BCL2L11: variants seen among roughly 807,000 people sequenced by gnomAD.
The protein encoded by BCL2L11 is bcl-2-like protein 11.
A neutral mutation model predicts 20.6 loss-of-function variants in BCL2L11; 15 were observed. That is an observed-to-expected ratio of 0.73 (90% CI 0.49 to 1.12). BCL2L11 has a LOEUF of 1.12. Among genes scored for constraint, BCL2L11 ranks in the 50% most tolerant of loss-of-function variants. The pLI, the probability that BCL2L11 is intolerant of heterozygous loss-of-function variation, is 0.00. For missense variants in BCL2L11, 292 were observed against 260.9 expected (o/e 1.12, Z -0.82); for synonymous variants, 108 against 92.8 (o/e 1.16, Z -0.94).
chr2:111,121,903 C>T (rs1221002036), intron 1 of BCL2L11, among the ~76,000 whole-genome samples: 1 of 152,188 alleles, frequency 6.6e-6, no homozygotes, highest in African/African-American at 2.4e-5. Context: ...AGAACCTGCT[C>T]GGTCCCTGGG....
chr2:111,157,320 G>A lies in BCL2L11; in HGVS notation c.499-6813G>A, dbSNP rs117115202. On this transcript the variant is annotated intron_variant, in intron 3 of 3. Transcript: ENST00000393256. ...ACTAAGGCTTGGCCCTGCTGCAGAC[G>A]TTCAAAAATAATAAGCTTCTCATAT... Among the ~76,000 whole-genome samples the A allele has an allele frequency of 4.3e-4, 66 of 152,288 alleles. No homozygotes were observed. In the East Asian group the frequency reaches 0.011, roughly 26 times the overall value.
At chr2:111,147,346 T>TCTCTCTCTCTCTCTCTCTCTCACACA (rs760779894) in intron 2 of BCL2L11, among the ~76,000 whole-genome samples, 1 of 137,332 alleles carries the variant, frequency 7.3e-6, no homozygotes, top group Admixed American at 7.2e-5. Flanking sequence ...TCTCTCTCTC[T>TCTCTCTCTCTCTCTCTCTCTCACACA]CACACACACA....
In BCL2L11 at chr2:111,166,599, C is replaced by T. The variant is rs1029922990; in HGVS notation, c.*2368C>T. The T allele has an allele frequency of 6.6e-6, 1 of 152,618 alleles. No individual in the cohort carries two copies. Among genetic ancestry groups the T allele is most frequent in the African/African-American group, 2.4e-5 (1 of 41,420 alleles). 9.5% of individuals were successfully genotyped at this position (152,618 alleles called of 1,614,324 possible). ...TTTGTAGAAAAAATAATTAAATCCC[C>T]TTTTTGGAAACTTACTGCAGGTTTT... On this transcript the variant is annotated 3_prime_UTR_variant, in exon 4 of 4. Transcript: ENST00000393256.
chr2:111,159,416 G>A (rs564713726), intron 3 of BCL2L11, among the ~76,000 whole-genome samples: 1 of 152,302 alleles, frequency 6.6e-6, no homozygotes, highest in Non-Finnish European at 1.5e-5. Flanking sequence ...GGTGGCCATG[G>A]CAATTCTTCC....
chr2:111,153,371 C>T (rs769406030), intron 3 of BCL2L11, among the ~76,000 whole-genome samples: 3 of 151,828 alleles, frequency 2.0e-5, no homozygotes, highest in Non-Finnish European at 4.4e-5. Context: ...AGCGAAACTC[C>T]ATCTAAAAAA....
intron 3 of BCL2L11, among the ~76,000 whole-genome samples, chr2:111,163,635 G>T (rs1188217968): frequency 6.6e-6 from 1 of 152,044 alleles, no homozygotes; most frequent in Admixed American, 6.5e-5. Flanking sequence ...TCTGGGTCAC[G>T]GTGTTTATCA....
At chr2:111,131,478 TTG>T (rs2073940803) in intron 2 of BCL2L11, 1 of 152,126 alleles carries the variant, frequency 6.6e-6, no homozygotes, top group African/African-American at 2.4e-5. Context: ...TACTGGTAAT[TTG>T]TGTCTTTTTT....
At chr2:111,137,730 G>A (rs2075154090) in intron 2 of BCL2L11, among the ~76,000 whole-genome samples, 2 of 150,814 alleles carry the variant, frequency 1.3e-5, no homozygotes, top group African/African-American at 4.9e-5. Context: ...ACTGTCCTTG[G>A]TCCTCTAATG....
chr2:111,123,169 C>A, intron 1 of BCL2L11: 1 of 985,462 alleles, frequency 1.0e-6, no homozygotes, highest in Non-Finnish European at 1.2e-6. Flanking sequence ...GCGGAGAGAG[C>A]GCCAGAGCCG....
rs902143281 is a variant in BCL2L11, at chr2:111,137,397, T to C, written c.395-12647T>C. 3.3e-5 allele frequency among the ~76,000 whole-genome samples: 5 copies of C among 152,218 alleles called. No individual in the cohort carries two copies. The South Asian group carries it at 1.0e-3, about 31-fold the overall frequency. ...TTAGACCAGCCTCAGTCTCTTGGTG[T>C]ATTCCTCATGTGGTGACATTTCTAG... On this transcript the variant is annotated intron_variant, in intron 2 of 3. Coordinates refer to ENST00000393256, the MANE Select transcript of BCL2L11 (RefSeq NM_138621.5).
chr2:111,122,706 G>C, intron 1 of BCL2L11: 2 of 981,794 alleles, frequency 2.0e-6, no homozygotes, highest in Non-Finnish European at 2.4e-6. Flanking sequence ...CGCGGCGTGC[G>C]GAGCCCTCGG....
At chr2:111,130,764 G>C (rs2073795441) in intron 2 of BCL2L11, among the ~76,000 whole-genome samples, 1 of 152,192 alleles carries the variant, frequency 6.6e-6, no homozygotes, top group South Asian at 2.1e-4. Flanking sequence ...GTCTTTAAAA[G>C]AATGAGGAAG....
At position 111,123,785 on chromosome 2, in the gene BCL2L11, C is replaced by A; in HGVS notation, c.40C>A (p.Arg14=). The change falls in exon 2 of 4, where the codon CGA becomes AGA. Residue 14 remains arginine (R), a synonymous_variant. Transcript: ENST00000393256. ...QPSDVSSECD[R]EGRQLQPAER... ...TTCTGATGTAAGTTCTGAGTGTGAC[C>A]GAGAAGGTAGACAATTGCAGCCTGC... The A allele has an allele frequency of 1.4e-6, 2 of 1,448,884 alleles. No homozygotes were observed. Among genetic ancestry groups the A allele is most frequent in the Non-Finnish European group, 1.8e-6 (2 of 1,096,208 alleles). 89.8% of individuals were successfully genotyped at this position (1,448,884 alleles called of 1,614,324 possible). A position where few individuals can be genotyped will look rare whatever the true frequency, so the allele number is the denominator to read the frequency against.
At chr2:111,125,194 T>C (rs1480322789) in intron 2 of BCL2L11, among the ~76,000 whole-genome samples, 1 of 152,236 alleles carries the variant, frequency 6.6e-6, no homozygotes, top group African/African-American at 2.4e-5. Context: ...ATACCCTGTT[T>C]CAACATTGAC....
chr2:111,149,421 T>C (rs1273788950), intron 2 of BCL2L11, among the ~76,000 whole-genome samples: 1 of 152,250 alleles, frequency 6.6e-6, no homozygotes, highest in African/African-American at 2.4e-5. Context: ...GAGCTCATCT[T>C]GATTGGCTGC....
intron 2 of BCL2L11, chr2:111,128,734 C>T (rs2073236545): frequency 1.9e-6 from 3 of 1,548,504 alleles, no homozygotes; most frequent in Non-Finnish European, 2.6e-6. Flanking sequence ...ACAACTCAAC[C>T]ACAAGGATTT....
intron 2 of BCL2L11, among the ~76,000 whole-genome samples, chr2:111,139,938 G>A (rs1467362191): frequency 6.6e-6 from 1 of 152,220 alleles, no homozygotes; most frequent in Non-Finnish European, 1.5e-5. Flanking sequence ...CTGCCTTTCT[G>A]TGTGGACCAC....
chr2:111,142,049 G>T (rs2075906432), intron 2 of BCL2L11, among the ~76,000 whole-genome samples: 5 of 152,108 alleles, frequency 3.3e-5, no homozygotes, highest in Admixed American at 2.0e-4. Context: ...TCTCATCTAG[G>T]ATACAGACTC....
At chr2:111,127,221 G>C (rs1389452546) in intron 2 of BCL2L11, among the ~76,000 whole-genome samples, 1 of 152,030 alleles carries the variant, frequency 6.6e-6, no homozygotes, top group Admixed American at 6.5e-5. Context: ...TTTTGGATGA[G>C]TGTTTTATGC....
Sources: allele counts gnomAD v4.1 joint callset (sites outside exome capture counted in the v4.1 genomes callset), GRCh38; gene constraint gnomAD v4.1.1; transcripts MANE v1.5; gene names NCBI Gene and HGNC (gene_info 2026-07-23, HGNC 2026-07-21).